BMERB1: variants seen among roughly 807,000 people sequenced by gnomAD.
BMERB1 encodes bMERB domain-containing protein 1.
Under a neutral mutation model 23.6 loss-of-function variants are expected in BMERB1, and 12 were observed. That is an observed-to-expected ratio of 0.51 (90% CI 0.33 to 0.82). The LOEUF (loss-of-function observed/expected upper bound fraction) is 0.82, where lower values mean the gene tolerates loss of function less well. BMERB1 is among the 40% of genes least tolerant of loss of function. The pLI, the probability that BMERB1 is intolerant of heterozygous loss-of-function variation, is 0.03. For synonymous variants in BMERB1, 122 were observed against 96.6 expected (o/e 1.26, Z -1.54); for missense variants, 247 against 255.4 (o/e 0.97, Z 0.22).
chr16:15,535,991 G>A (rs751369801), intron 2 of BMERB1, among the ~76,000 whole-genome samples: 2 of 152,084 alleles, frequency 1.3e-5, no homozygotes, highest in Non-Finnish European at 2.9e-5. Context: ...GGAAACTGCC[G>A]CCATGATCCA....
chr16:15,436,684 C>G (rs2050891194), intron 1 of BMERB1, among the ~76,000 whole-genome samples: 1 of 151,734 alleles, frequency 6.6e-6, no homozygotes, highest in Non-Finnish European at 1.5e-5. Context: ...CTCTGTGTCC[C>G]CCCATCCCAA....
intron 1 of BMERB1, among the ~76,000 whole-genome samples, chr16:15,503,648 C>G (rs530219402): frequency 2.0e-5 from 3 of 152,076 alleles, no homozygotes; most frequent in African/African-American, 7.2e-5. Flanking sequence ...CAATCCCACA[C>G]GGATACTGAG....
intron 1 of BMERB1, among the ~76,000 whole-genome samples, chr16:15,451,309 G>C (rs2051039226): frequency 6.6e-6 from 1 of 152,026 alleles, no homozygotes; most frequent in African/African-American, 2.4e-5. Context: ...TCCTGCCTCA[G>C]CCTCTTGAGT....
chr16:15,500,713 G>A (rs1442429532), intron 1 of BMERB1, among the ~76,000 whole-genome samples: 1 of 152,172 alleles, frequency 6.6e-6, no homozygotes, highest in Non-Finnish European at 1.5e-5. Flanking sequence ...GTGCAGTGGC[G>A]CAGTCTCGGC....
At chr16:15,441,525 C>T (rs2050938972) in intron 1 of BMERB1, among the ~76,000 whole-genome samples, 1 of 152,020 alleles carries the variant, frequency 6.6e-6, no homozygotes, top group Non-Finnish European at 1.5e-5. Flanking sequence ...TTACAGGTGC[C>T]CACCACCATG....
chr16:15,570,902 A>G (rs1264873907), intron 3 of BMERB1, among the ~76,000 whole-genome samples: 1 of 151,976 alleles, frequency 6.6e-6, no homozygotes, highest in African/African-American at 2.4e-5. Context: ...CACTGATGGG[A>G]GTACCTCTTA....
chr16:15,574,080 G>A lies in BMERB1; in HGVS notation c.304+6024G>A, dbSNP rs374903391. On this transcript the variant is annotated intron_variant, in intron 3 of 5. Coordinates refer to ENST00000300006, the MANE Select transcript of BMERB1 (RefSeq NM_033201.3). The stretch of plus-strand genomic sequence containing the variant: ...AAGAGGTTTCATTGACTCACAGTTC[G>A]GCATAGCTGGGGAAGCCTCAGGAAA... Among the ~76,000 whole-genome samples the A allele has an allele frequency of 1.8e-4, 27 of 150,470 alleles. No homozygotes were observed. In the East Asian group the frequency reaches 3.3e-3, roughly 19 times the overall value.
At chr16:15,438,191 A>G (rs1301552936) in intron 1 of BMERB1, among the ~76,000 whole-genome samples, 9 of 151,064 alleles carry the variant, frequency 6.0e-5, no homozygotes. Flanking sequence ...GGTTCAAGCC[A>G]TTCTCCTGCC....
chr16:15,478,133 C>T (rs1198705105), intron 1 of BMERB1, among the ~76,000 whole-genome samples: 1 of 151,660 alleles, frequency 6.6e-6, no homozygotes, highest in African/African-American at 2.4e-5. Flanking sequence ...ACATTCAAGT[C>T]ATAAAGATAG....
Position 15,438,064 on chromosome 16 carries a change from A to G in BMERB1, c.106+3305A>G, listed in dbSNP as rs574548860. On this transcript the variant is annotated intron_variant, in intron 1 of 5. Transcript: ENST00000300006. ...GCAAGAGGAACAGCTCCTGATCTGT[A>G]CTTGCGTGGATCCTCAAATCTGGTT... is the stretch of plus-strand genomic sequence containing the variant. Among the ~76,000 whole-genome samples the G allele has an allele frequency of 9.9e-5, 15 of 152,172 alleles. 1 individual carries two copies. The East Asian group carries it at 2.7e-3, about 27-fold the overall frequency.
intron 2 of BMERB1, among the ~76,000 whole-genome samples, chr16:15,554,767 C>T (rs1007092291): frequency 6.6e-6 from 1 of 151,530 alleles, no homozygotes. Context: ...CCCAGGTTCA[C>T]GCCATTCTCC....
chr16:15,503,286 A>AG (rs2051549020), intron 1 of BMERB1, among the ~76,000 whole-genome samples: 1 of 145,314 alleles, frequency 6.9e-6, no homozygotes, highest in African/African-American at 2.5e-5. Flanking sequence ...ACATCCAAGG[A>AG]TTTTTTTTTT....
At chr16:15,474,860 G>C (rs2150933062) in intron 1 of BMERB1, among the ~76,000 whole-genome samples, 1 of 151,990 alleles carries the variant, frequency 6.6e-6, no homozygotes, top group East Asian at 1.9e-4. Flanking sequence ...GCTAATTTTT[G>C]GGTTTTAAGT....
chr16:15,472,400 A>C (rs2051236731), intron 1 of BMERB1, among the ~76,000 whole-genome samples: 1 of 152,192 alleles, frequency 6.6e-6, no homozygotes. Context: ...TTTCGGCTTT[A>C]TGAATCTTTG....
intron 2 of BMERB1, among the ~76,000 whole-genome samples, chr16:15,559,196 A>G (rs2030350776): frequency 6.6e-6 from 1 of 152,132 alleles, no homozygotes; most frequent in Admixed American, 6.6e-5. Flanking sequence ...GTTCTCTTAC[A>G]TTTCATTGGC....
At chr16:15,538,935 G>T (rs1277504115) in intron 2 of BMERB1, among the ~76,000 whole-genome samples, 1 of 152,122 alleles carries the variant, frequency 6.6e-6, no homozygotes, top group Admixed American at 6.5e-5. Flanking sequence ...TTATAGCAGC[G>T]ATCCCCAACC....
intron 2 of BMERB1, among the ~76,000 whole-genome samples, chr16:15,540,260 A>G (rs1412829103): frequency 2.0e-5 from 3 of 151,916 alleles, no homozygotes; most frequent in African/African-American, 7.2e-5. Flanking sequence ...ATAAAAGAGA[A>G]CACGCCTGTA....
chr16:15,528,855 G>A (rs1006772108), intron 2 of BMERB1, among the ~76,000 whole-genome samples: 3 of 152,086 alleles, frequency 2.0e-5, no homozygotes, highest in Non-Finnish European at 4.4e-5. Context: ...GATGGGATTC[G>A]TGCCCATGTA....
chr16:15,515,336 A>G lies in BMERB1; in HGVS notation c.138A>G (p.Thr46=), dbSNP rs2051735150. The change falls in exon 2 of 6, where the codon ACA becomes ACG. Residue 46 remains threonine (T), a synonymous_variant. Coordinates refer to ENST00000300006, the MANE Select transcript of BMERB1 (RefSeq NM_033201.3). ...NQLDIISMAE[T]TMMPEEIELE... ...TGGACATCATCTCCATGGCGGAGAC[A>G]ACCATGATGCCAGAGGAGATTGAGC... The G allele has an allele frequency of 1.9e-6, 3 of 1,613,738 alleles. No individual in the cohort carries two copies. The highest frequency in any genetic ancestry group is 2.5e-6 in the Non-Finnish European group (3 of 1,180,006).
Sources: gnomAD v4.1 joint callset for allele counts (sites outside exome capture counted in the v4.1 genomes callset) on GRCh38, gnomAD v4.1.1 for gene constraint, MANE v1.5 for transcripts, NCBI Gene and HGNC (gene_info 2026-07-23, HGNC 2026-07-21) for gene names.